PRELID2: variants seen among roughly 807,000 people sequenced by gnomAD.
The protein encoded by PRELID2 is PRELI domain containing 2.
A neutral mutation model predicts 28.4 loss-of-function variants in PRELID2; 25 were observed. The observed-to-expected ratio is 0.88, with a 90% CI of 0.64 to 1.23. The LOEUF (loss-of-function observed/expected upper bound fraction) is 1.23, where lower values mean the gene tolerates loss of function less well. Ranked by LOEUF, PRELID2 falls within the 50% of genes most tolerant of loss-of-function variation. PRELID2 has a pLI of 0.00. For synonymous variants in PRELID2, 76 were observed against 71.6 expected (o/e 1.06, Z -0.31); for missense variants, 201 against 214.4 (o/e 0.94, Z 0.39).
At chr5:145,644,608 G>A (rs2149666489) in intron 1 of PRELID2, among the ~76,000 whole-genome samples, 1 of 152,064 alleles carries the variant, frequency 6.6e-6, no homozygotes, top group East Asian at 1.9e-4. Context: ...TTCGATGTTA[G>A]GGCGTCAATT....
the PRELID2 span, among the ~76,000 whole-genome samples, chr5:145,267,682 G>T: frequency 1.3e-5 from 2 of 152,156 alleles, no homozygotes; most frequent in African/African-American, 4.8e-5. Flanking sequence ...CCTAGCAGAG[G>T]ATTGCTGGAT....
chr5:145,682,694 C>T (rs966995184), intron 1 of PRELID2, among the ~76,000 whole-genome samples: 2 of 152,116 alleles, frequency 1.3e-5, no homozygotes, highest in Admixed American at 1.3e-4. Flanking sequence ...CTGGTATTCA[C>T]CATGTGGGAA....
At chr5:145,278,057 A>C in the PRELID2 span, among the ~76,000 whole-genome samples, 42 of 152,156 alleles carry the variant, frequency 2.8e-4, no homozygotes, top group Non-Finnish European at 1.0e-4. Context: ...ATATATTTAC[A>C]GAAATCTATT....
At chr5:145,805,248 A>C (rs1753417566) in intron 4 of PRELID2, among the ~76,000 whole-genome samples, 2 of 152,134 alleles carry the variant, frequency 1.3e-5, no homozygotes, top group South Asian at 4.2e-4. Flanking sequence ...AATTCAGTAG[A>C]GCCTTCATAT....
intron 1 of PRELID2, among the ~76,000 whole-genome samples, chr5:145,630,430 C>T (rs138574684): frequency 1.3e-4 from 20 of 152,146 alleles, no homozygotes; most frequent in South Asian, 1.0e-3. Flanking sequence ...AATTAATTTG[C>T]TTTAATTTGG....
the PRELID2 span, among the ~76,000 whole-genome samples, chr5:145,284,948 A>T: frequency 1.3e-5 from 2 of 152,120 alleles, no homozygotes; most frequent in Non-Finnish European, 2.9e-5. Flanking sequence ...AACTAATTTA[A>T]ATTGAAACTT....
the PRELID2 span, among the ~76,000 whole-genome samples, chr5:145,459,467 A>G: frequency 6.6e-6 from 1 of 152,260 alleles, no homozygotes; most frequent in South Asian, 2.1e-4. Flanking sequence ...TAAATGTGTT[A>G]TATTTTCTTT....
chr5:145,286,707 T>TTTG, the PRELID2 span, among the ~76,000 whole-genome samples: 22 of 96,056 alleles, frequency 2.3e-4, no homozygotes, highest in African/African-American at 1.1e-3. Flanking sequence ...TTTTTGTTTT[T>TTTG]TTTTGTTTGT....
At chr5:145,469,523 A>C (rs1752032777), downstream of PRELID2, among the ~76,000 whole-genome samples, 1 of 152,088 alleles carries the variant, frequency 6.6e-6, no homozygotes, top group African/African-American at 2.4e-5. Context: ...AAGCCTTTTT[A>C]AGGTTAACAG....
chr5:145,406,685 T>C, the PRELID2 span, among the ~76,000 whole-genome samples: 24 of 152,162 alleles, frequency 1.6e-4, no homozygotes, highest in African/African-American at 5.8e-4. Context: ...ACCAAAAGAA[T>C]TCACAGATCC....
At chr5:145,395,003 G>A in the PRELID2 span, among the ~76,000 whole-genome samples, 1 of 151,918 alleles carries the variant, frequency 6.6e-6, no homozygotes, top group African/African-American at 2.4e-5. Flanking sequence ...ACCTGAAATT[G>A]CCATGTTATT....
At chr5:145,611,039 G>T (rs57301309) in intron 1 of PRELID2, among the ~76,000 whole-genome samples, 7,089 of 149,526 alleles carry the variant, frequency 0.047, 513 homozygotes, top group African/African-American at 0.16. Flanking sequence ...ATGAAATATA[G>T]AGAGAGAGAA....
the PRELID2 span, among the ~76,000 whole-genome samples, chr5:145,285,539 A>C: frequency 6.6e-6 from 1 of 152,188 alleles, no homozygotes; most frequent in Non-Finnish European, 1.5e-5. Flanking sequence ...CATTTTAAAC[A>C]ATCAGTTTTT....
intron 1 of PRELID2, among the ~76,000 whole-genome samples, chr5:145,525,823 T>G (rs1752601473): frequency 6.6e-6 from 1 of 152,108 alleles, no homozygotes; most frequent in Non-Finnish European, 1.5e-5. Flanking sequence ...CATTTAAAGG[T>G]GGATATATCT....
At chr5:145,392,801 C>A in the PRELID2 span, among the ~76,000 whole-genome samples, 1 of 152,110 alleles carries the variant, frequency 6.6e-6, no homozygotes, top group Non-Finnish European at 1.5e-5. Flanking sequence ...AAAACATGAA[C>A]ACGAATGTTC....
chr5:145,249,925 C>CTCTCTCTCTCTG, the PRELID2 span, among the ~76,000 whole-genome samples: 4 of 150,980 alleles, frequency 2.6e-5, no homozygotes, highest in Admixed American at 2.6e-4. Context: ...CTCCCTCTCT[C>CTCTCTCTCTCTG]TCTCTCTCTC....
intron 1 of PRELID2, among the ~76,000 whole-genome samples, chr5:145,569,739 C>T (rs1753001045): frequency 6.6e-6 from 1 of 152,170 alleles, no homozygotes; most frequent in African/African-American, 2.4e-5. Context: ...GACATTTTGT[C>T]AGGCAACAAA....
At chr5:145,555,447 A>G (rs1011291989) in intron 1 of PRELID2, among the ~76,000 whole-genome samples, 1 of 152,210 alleles carries the variant, frequency 6.6e-6, no homozygotes, top group African/African-American at 2.4e-5. Context: ...ACTTCAAACA[A>G]TGTCAATACG....
chr5:145,409,786 T>C, the PRELID2 span, among the ~76,000 whole-genome samples: 263 of 148,274 alleles, frequency 1.8e-3, 1 homozygote, highest in African/African-American at 6.2e-3. Flanking sequence ...AGACATTATA[T>C]AATGATTAAA....
Sources: allele counts gnomAD v4.1 joint callset (sites outside exome capture counted in the v4.1 genomes callset), GRCh38; gene constraint gnomAD v4.1.1; transcripts MANE v1.5; gene names NCBI Gene and HGNC (gene_info 2026-07-23, HGNC 2026-07-21).